Variants in AGBL3 observed in about 807,000 individuals in gnomAD.
AGBL3 encodes AGBL carboxypeptidase 3.
A neutral mutation model predicts 94.5 loss-of-function variants in AGBL3; 68 were observed. That is an observed-to-expected ratio of 0.72 (90% CI 0.59 to 0.88). The LOEUF is 0.88. AGBL3 is among the 40% of genes least tolerant of loss of function. AGBL3 has a pLI of 0.00. For synonymous variants in AGBL3, 354 were observed against 370.7 expected, an observed-to-expected ratio of 0.95 and a Z score of 0.52; for missense variants, 934 against 1,103.8, an observed-to-expected ratio of 0.85 and a Z score of 2.18.
At chr7:135,021,663 C>CTTTTT (rs60821704) in intron 5 of AGBL3, among the ~76,000 whole-genome samples, 2 of 146,658 alleles carry the variant, frequency 1.4e-5, no homozygotes, top group African/African-American at 2.5e-5. Flanking sequence ...TTGGGATTTG[C>CTTTTT]TTTTTTTTTT....
Position 135,115,493 on chromosome 7 carries a change from G to A in AGBL3, c.2224G>A (p.Val742Ile), listed in dbSNP as rs78930373. The A allele has an allele frequency of 2.7e-5, 42 of 1,551,206 alleles. No individual in the cohort carries two copies. The East Asian group carries it at 1.0e-3, about 37-fold the overall frequency. The change falls in exon 16 of 17, where the codon GTT becomes ATT. Residue 742 changes from valine (V) to isoleucine (I), a missense_variant. By Grantham distance (29) the Val-to-Ile change is conservative. Transcript: ENST00000436302. Reference protein sequence around the residue: ...EKRSYKDKGIVQTQEILQYLL... With the variant: ...EKRSYKDKGIIQTQEILQYLL... The stretch of plus-strand genomic sequence containing the variant: ...AAGAAGCTACAAGGATAAAGGAATA[G>A]TTCAAACTCAAGAAATATTGCAGTA...
At chr7:135,036,462 AG>A (rs1816317455) in intron 7 of AGBL3, among the ~76,000 whole-genome samples, 1 of 152,188 alleles carries the variant, frequency 6.6e-6, no homozygotes, top group Non-Finnish European at 1.5e-5. Context: ...ACACTAATCA[AG>A]GGTTAAATAT....
At chr7:135,126,612 G>A (rs1025722133) in intron 16 of AGBL3, among the ~76,000 whole-genome samples, 1 of 152,216 alleles carries the variant, frequency 6.6e-6, no homozygotes, top group Non-Finnish European at 1.5e-5. Flanking sequence ...CAAAGCTGGA[G>A]AGGTATCACA....
intron 5 of AGBL3, among the ~76,000 whole-genome samples, chr7:135,021,663 C>CCTT (rs1554496325): frequency 6.8e-6 from 1 of 146,660 alleles, no homozygotes; most frequent in Non-Finnish European, 1.5e-5. Context: ...TTGGGATTTG[C>CCTT]TTTTTTTTTT....
intron 4 of AGBL3, among the ~76,000 whole-genome samples, chr7:135,004,912 GGATTTATTTA>G (rs1388009253): frequency 6.6e-6 from 1 of 150,610 alleles, no homozygotes; most frequent in Admixed American, 6.6e-5. Context: ...TTTATAAATC[GGATTTATTTA>G]GATTTATTTT....
At chr7:135,124,418 A>G (rs1485430393) in intron 16 of AGBL3, among the ~76,000 whole-genome samples, 1 of 152,184 alleles carries the variant, frequency 6.6e-6, no homozygotes, top group Non-Finnish European at 1.5e-5. Flanking sequence ...GAGACCCAAA[A>G]AGAGACAGAC....
intron 15 of AGBL3, among the ~76,000 whole-genome samples, chr7:135,114,475 T>C (rs1174489009): frequency 6.6e-6 from 1 of 150,614 alleles, no homozygotes; most frequent in East Asian, 2.0e-4. Context: ...TTCCTTTGTA[T>C]CATCTAATAA....
chr7:135,125,031 G>A (rs945535196), intron 16 of AGBL3, among the ~76,000 whole-genome samples: 1 of 151,732 alleles, frequency 6.6e-6, no homozygotes, highest in Non-Finnish European at 1.5e-5. Context: ...GCTAGCAGAA[G>A]ACAAGAAATA....
intron 4 of AGBL3, among the ~76,000 whole-genome samples, chr7:134,999,283 A>G (rs1360915397): frequency 6.6e-6 from 1 of 152,196 alleles, no homozygotes; most frequent in African/African-American, 2.4e-5. Context: ...TAGTCCTGTC[A>G]GGACCCTTTT....
chr7:135,024,297 G>A (rs1330522660), intron 5 of AGBL3, among the ~76,000 whole-genome samples: 1 of 152,202 alleles, frequency 6.6e-6, no homozygotes, highest in Non-Finnish European at 1.5e-5. Flanking sequence ...CAATACAAAA[G>A]AGCCCTATGG....
intron 4 of AGBL3, among the ~76,000 whole-genome samples, chr7:134,999,323 G>A (rs993903867): frequency 6.6e-6 from 1 of 152,190 alleles, no homozygotes; most frequent in Non-Finnish European, 1.5e-5. Flanking sequence ...ACAGCATTCC[G>A]ATGTAGTTAC....
chr7:134,991,323 T>G (rs190521575), intron 3 of AGBL3, among the ~76,000 whole-genome samples: 2 of 152,248 alleles, frequency 1.3e-5, no homozygotes, highest in Admixed American at 1.3e-4. Flanking sequence ...AGGAGATACC[T>G]TTCTCTGGTT....
At chr7:135,059,624 C>T (rs1322406660) in intron 12 of AGBL3, among the ~76,000 whole-genome samples, 40 of 152,134 alleles carry the variant, frequency 2.6e-4, no homozygotes, top group Non-Finnish European at 1.5e-5. Flanking sequence ...CAAAATGAGA[C>T]AACAGCTTTC....
intron 12 of AGBL3, among the ~76,000 whole-genome samples, chr7:135,064,255 A>G (rs2348057): frequency 0.93 from 141,376 of 152,274 alleles, 66,465 homozygotes; most frequent in Non-Finnish European, 1. Flanking sequence ...TTTCTAGGAA[A>G]ACCAAGGAAG....
At chr7:135,112,459 A>G (rs1825780736) in intron 15 of AGBL3, among the ~76,000 whole-genome samples, 1 of 152,150 alleles carries the variant, frequency 6.6e-6, no homozygotes, top group Non-Finnish European at 1.5e-5. Flanking sequence ...TGATATCCCA[A>G]TTATTCTACA....
intron 7 of AGBL3, among the ~76,000 whole-genome samples, chr7:135,035,868 GCCTTAT>G: frequency 6.6e-6 from 1 of 152,054 alleles, no homozygotes; most frequent in Non-Finnish European, 1.5e-5. Context: ...TGATATTCAT[GCCTTAT>G]AATCTAGTTA....
At chr7:135,089,995 C>A (rs1415934485) in intron 15 of AGBL3, among the ~76,000 whole-genome samples, 2 of 152,186 alleles carry the variant, frequency 1.3e-5, no homozygotes, top group Non-Finnish European at 2.9e-5. Context: ...TCCCATGGGG[C>A]CAGGTTGTAG....
chr7:135,105,103 T>C (rs1824473848), intron 15 of AGBL3, among the ~76,000 whole-genome samples: 1 of 141,846 alleles, frequency 7.0e-6, no homozygotes, highest in South Asian at 2.3e-4. Flanking sequence ...GGAGTCTTGC[T>C]CTTTCACCCA....
intron 4 of AGBL3, among the ~76,000 whole-genome samples, chr7:135,003,657 A>T (rs4732077): frequency 1.1e-3 from 165 of 150,106 alleles, no homozygotes; most frequent in East Asian, 2.9e-3. Flanking sequence ...TATAGTTTTA[A>T]TTTTTTTTTT....
Sources: allele counts gnomAD v4.1 joint callset (sites outside exome capture counted in the v4.1 genomes callset), GRCh38; gene constraint gnomAD v4.1.1; transcripts MANE v1.5; gene names NCBI Gene and HGNC (gene_info 2026-07-23, HGNC 2026-07-21).